The following SLC39A11 variants were observed in gnomAD, a reference collection of about 807,000 sequenced individuals.
SLC39A11 encodes the protein solute carrier family 39 member 11, also known as zinc transporter ZIP11.
A neutral mutation model predicts 36.1 loss-of-function variants in SLC39A11; 33 were observed. The observed-to-expected ratio is 0.91, with a 90% CI of 0.69 to 1.22. The LOEUF (loss-of-function observed/expected upper bound fraction) is 1.22. SLC39A11 is among the 50% of genes most tolerant of loss of function. The pLI, the probability that SLC39A11 is intolerant of heterozygous loss-of-function variation, is 0.00. For synonymous variants in SLC39A11, 166 were observed against 170.3 expected (o/e 0.97, Z 0.20); for missense variants, 432 against 430.3 (o/e 1.00, Z -0.03).
chr17:72,767,278 C>T (rs2075790804), intron 6 of SLC39A11, among the ~76,000 whole-genome samples: 1 of 152,156 alleles, frequency 6.6e-6, no homozygotes, highest in Non-Finnish European at 1.5e-5. Context: ...TACTCAGCAC[C>T]TACAGGGGGC....
chr17:72,655,233 G>T (rs769612157), intron 7 of SLC39A11, among the ~76,000 whole-genome samples: 2 of 152,178 alleles, frequency 1.3e-5, no homozygotes, highest in Non-Finnish European at 2.9e-5. Context: ...CCGTGCACAC[G>T]CACAGGCCCA....
At chr17:72,698,227 G>T (rs1479947694) in intron 7 of SLC39A11, among the ~76,000 whole-genome samples, 4 of 152,112 alleles carry the variant, frequency 2.6e-5, no homozygotes, top group African/African-American at 9.7e-5. Context: ...GCCATTTTCT[G>T]GATCTCTTTC....
intron 5 of SLC39A11, among the ~76,000 whole-genome samples, chr17:72,865,524 G>T (rs2080259484): frequency 1.3e-5 from 2 of 151,498 alleles, no homozygotes. Flanking sequence ...ATAAAAGCTG[G>T]TTCCAGGGTA....
At chr17:72,782,881 A>G (rs981609995) in intron 6 of SLC39A11, among the ~76,000 whole-genome samples, 1 of 151,394 alleles carries the variant, frequency 6.6e-6, no homozygotes, top group Non-Finnish European at 1.5e-5. Flanking sequence ...GCCCACTTGC[A>G]ATGCTAGCTA....
At chr17:72,871,571 A>G (rs2146383730) in intron 5 of SLC39A11, among the ~76,000 whole-genome samples, 1 of 152,158 alleles carries the variant, frequency 6.6e-6, no homozygotes, top group South Asian at 2.1e-4. Flanking sequence ...TTAATCCATC[A>G]TGCCTGCATA....
Position 73,089,971 on chromosome 17 carries a change from C to G in SLC39A11, c.-11-1196G>C, listed in dbSNP as rs566343017. 6.6e-5 allele frequency among the ~76,000 whole-genome samples: 10 copies of G among 152,308 alleles called. No homozygotes were observed. In the South Asian group the frequency reaches 2.1e-3, roughly 32 times the overall value. On this transcript the variant is annotated intron_variant, in intron 1 of 9. Transcript: ENST00000255559. ...AGAGAAACCCATTTGTTGAAAAGCC[C>G]TGTGTTCTGGTACACAAACACTGGG...
intron 3 of SLC39A11, among the ~76,000 whole-genome samples, chr17:73,081,775 A>ATATATGTATG (rs1599202179): frequency 6.7e-6 from 1 of 150,308 alleles, no homozygotes; most frequent in Non-Finnish European, 1.5e-5. Context: ...ATACATATAT[A>ATATATGTATG]TATCATGGAC....
intron 7 of SLC39A11, among the ~76,000 whole-genome samples, chr17:72,731,386 T>C (rs2074208087): frequency 1.3e-5 from 2 of 152,186 alleles, no homozygotes; most frequent in African/African-American, 4.8e-5. Context: ...TGTGGAATTG[T>C]AATCCCCAAT....
chr17:72,966,511 C>G (rs2086987017), intron 4 of SLC39A11, among the ~76,000 whole-genome samples: 1 of 152,100 alleles, frequency 6.6e-6, no homozygotes, highest in Non-Finnish European at 1.5e-5. Context: ...GGCCGCACAT[C>G]AGGAGGTGAG....
intron 5 of SLC39A11, among the ~76,000 whole-genome samples, chr17:72,859,336 T>G (rs536696458): frequency 8.4e-6 from 1 of 118,592 alleles, no homozygotes; most frequent in African/African-American, 4.3e-5. Flanking sequence ...AAACCAAGAT[T>G]GTTTTAGTGT....
At chr17:72,821,334 C>T (rs2077771263) in intron 6 of SLC39A11, among the ~76,000 whole-genome samples, 1 of 149,552 alleles carries the variant, frequency 6.7e-6, no homozygotes, top group African/African-American at 2.4e-5. Context: ...AAAACTCCGT[C>T]TCTATTAAAA....
intron 5 of SLC39A11, among the ~76,000 whole-genome samples, chr17:72,853,169 C>T (rs562713851): frequency 6.6e-6 from 1 of 151,394 alleles, no homozygotes; most frequent in Non-Finnish European, 1.5e-5. Context: ...TGCACGCCAC[C>T]ATGGCCAGCT....
chr17:72,793,313 T>G (rs1169328066), intron 6 of SLC39A11, among the ~76,000 whole-genome samples: 1 of 152,122 alleles, frequency 6.6e-6, no homozygotes, highest in African/African-American at 2.4e-5. Context: ...CAGACAGGTT[T>G]TGGCTGGCAC....
intron 5 of SLC39A11, among the ~76,000 whole-genome samples, chr17:72,862,952 C>G (rs573120968): frequency 1.6e-4 from 24 of 152,192 alleles, no homozygotes; most frequent in African/African-American, 5.8e-4. Flanking sequence ...AAACAAAACA[C>G]AAAACAAACG....
intron 4 of SLC39A11, among the ~76,000 whole-genome samples, chr17:72,953,057 C>T (rs1356037744): frequency 6.6e-6 from 1 of 152,196 alleles, no homozygotes; most frequent in East Asian, 1.9e-4. Context: ...TTTCCCTGTC[C>T]TTCTTCCCGC....
intron 7 of SLC39A11, among the ~76,000 whole-genome samples, chr17:72,690,146 C>T (rs370740287): frequency 1.1e-4 from 16 of 152,162 alleles, no homozygotes; most frequent in East Asian, 7.7e-4. Context: ...AGGCTGGTGG[C>T]GGGGCTCAAG....
At chr17:72,660,914 G>A (rs960160732) in intron 7 of SLC39A11, among the ~76,000 whole-genome samples, 1 of 152,160 alleles carries the variant, frequency 6.6e-6, no homozygotes, top group Non-Finnish European at 1.5e-5. Context: ...GGGAGGGGGA[G>A]GGGACCAACC....
At chr17:72,714,159 C>T (rs138601960) in intron 7 of SLC39A11, among the ~76,000 whole-genome samples, 1,889 of 152,212 alleles carry the variant, frequency 0.012, 37 homozygotes, top group African/African-American at 0.042. Flanking sequence ...AGTTCGAGAC[C>T]AGCCTGGCCA....
intron 6 of SLC39A11, among the ~76,000 whole-genome samples, chr17:72,799,947 G>C (rs530013630): frequency 6.6e-6 from 1 of 151,780 alleles, no homozygotes; most frequent in African/African-American, 2.4e-5. Flanking sequence ...AAAACTTGCC[G>C]GTCTGAGACT....
Sources: allele counts gnomAD v4.1 joint callset (sites outside exome capture counted in the v4.1 genomes callset), GRCh38; gene constraint gnomAD v4.1.1; transcripts MANE v1.5; gene names NCBI Gene and HGNC (gene_info 2026-07-23, HGNC 2026-07-21).